SLC22A5: variants seen among roughly 807,000 people sequenced by gnomAD.
SLC22A5 encodes organic cation/carnitine transporter 2.
SLC22A5 carries 44 observed loss-of-function variants against 56.7 expected under a neutral mutation model. The observed-to-expected ratio is 0.78, with a 90% confidence interval of 0.61 to 1.00. The LOEUF is 1.00. Ranked by LOEUF, SLC22A5 falls within the 50% of genes least tolerant of loss-of-function variation. SLC22A5 has a pLI of 0.00. For synonymous variants in SLC22A5, 278 were observed against 292.1 expected (o/e 0.95, Z 0.49); for missense variants, 675 against 723.0 (o/e 0.93, Z 0.76).
At chr5:132,390,652 A>G in intron 6 of SLC22A5, 38 bp from the exon 7 acceptor site, 1 of 1,417,984 alleles carries the variant, frequency 7.1e-7, no homozygotes, top group South Asian at 1.1e-5. Flanking sequence ...AAAGATGTGG[A>G]TACTGCTTTT....
At chr5:132,382,471 T>A (rs1312044465) in intron 2 of SLC22A5, 1 of 148,932 alleles carries the variant, frequency 6.7e-6, no homozygotes, top group African/African-American at 2.5e-5. Flanking sequence ...TACCAGAAAT[T>A]GGGGGAAAAA....
intron 3 of SLC22A5, 95 bp from the exon 4 acceptor site, chr5:132,385,233 T>C: frequency 8.7e-7 from 1 of 1,143,870 alleles, no homozygotes; most frequent in South Asian, 1.2e-5. Context: ...GTTCTCGCTG[T>C]TTTCTTGTCT....
chr5:132,393,356 C>T (rs186158571), intron 8 of SLC22A5, among the ~76,000 whole-genome samples: 4 of 152,242 alleles, frequency 2.6e-5, no homozygotes, highest in African/African-American at 7.2e-5. Context: ...CCTTGGAAAC[C>T]CAACCTTGGT....
intron 1 of SLC22A5, among the ~76,000 whole-genome samples, chr5:132,373,992 G>A (rs1479677455): frequency 1.3e-5 from 2 of 152,202 alleles, no homozygotes; most frequent in Non-Finnish European, 2.9e-5. Context: ...GCTGAGGCAG[G>A]TGGATCACAA....
chr5:132,384,440 CCTTA>C, intron 3 of SLC22A5, 139 bp downstream of exon 3: 1 of 932,242 alleles, frequency 1.1e-6, no homozygotes, highest in Non-Finnish European at 1.7e-6. Context: ...TCCTGGTGAA[CCTTA>C]CTTACAGGCA....
At chr5:132,383,807 G>C in intron 2 of SLC22A5, 1 of 313,688 alleles carries the variant, frequency 3.2e-6, no homozygotes, top group Non-Finnish European at 6.1e-6. Context: ...TTGTTTCTCT[G>C]TTATTCTCCA....
chr5:132,374,758 C>CAAA (rs34965096), intron 1 of SLC22A5, among the ~76,000 whole-genome samples: 2 of 138,232 alleles, frequency 1.4e-5, no homozygotes. Flanking sequence ...GTCAGGGAGC[C>CAAA]AAAAAAAAAA....
At chr5:132,390,038 G>A (rs923810526) in intron 6 of SLC22A5, 5 of 165,160 alleles carry the variant, frequency 3.0e-5, no homozygotes, top group Admixed American at 1.7e-4. Context: ...AAAGAGTGTG[G>A]GTCATCAACA....
rs1365867633 is a variant in SLC22A5, at chr5:132,390,641, G to A, written c.1053-49G>A. The A allele has an allele frequency of 3.8e-6, 5 of 1,320,554 alleles. No individual in the cohort carries two copies. In the Admixed American group the frequency reaches 6.7e-5, roughly 18 times the overall value. 81.8% of individuals were successfully genotyped at this position (1,320,554 alleles called of 1,614,324 possible). ...GCATTGTAAAAGTTGTACAGGTTGG[G>A]AAAGATGTGGATACTGCTTTTCCAG... On this transcript the variant is annotated intron_variant, in intron 6 of 9. Coordinates refer to ENST00000245407, the MANE Select transcript of SLC22A5 (RefSeq NM_003060.4).
intron 1 of SLC22A5, chr5:132,377,576 C>T (rs943694899): frequency 7.2e-5 from 11 of 152,796 alleles, no homozygotes; most frequent in African/African-American, 1.4e-4. Context: ...TGTCTTCAGA[C>T]CTCTTTTTCT....
chr5:132,386,514 AACC>A (rs1365845153), intron 4 of SLC22A5, among the ~76,000 whole-genome samples: 1 of 152,180 alleles, frequency 6.6e-6, no homozygotes, highest in Non-Finnish European at 1.5e-5. Context: ...TATAGGAGTG[AACC>A]ACTGCACCTG....
chr5:132,375,518 A>T (rs1228690975), intron 1 of SLC22A5, among the ~76,000 whole-genome samples: 1 of 152,220 alleles, frequency 6.6e-6, no homozygotes, highest in Non-Finnish European at 1.5e-5. Context: ...AGGTAAGAAC[A>T]TTTAGTCCCA....
At chr5:132,384,992 G>C (rs1241779602) in intron 3 of SLC22A5, among the ~76,000 whole-genome samples, 2 of 152,216 alleles carry the variant, frequency 1.3e-5, no homozygotes, top group Non-Finnish European at 2.9e-5. Context: ...GCTTAAGTCA[G>C]CATGTGCTGA....
At chr5:132,384,351 A>G (rs1457857172) in intron 3 of SLC22A5, 50 bp downstream of exon 3, 2 of 1,565,826 alleles carry the variant, frequency 1.3e-6, no homozygotes, top group African/African-American at 1.4e-5. Context: ...TTTCACCATC[A>G]TCCCATCACC....
intron 3 of SLC22A5, 34 bp from the exon 4 acceptor site, chr5:132,385,294 A>T: frequency 1.2e-6 from 2 of 1,601,524 alleles, no homozygotes; most frequent in Non-Finnish European, 1.7e-6. Context: ...AACCCAAATT[A>T]AACTGCTAAC....
chr5:132,378,510 G>C, intron 2 of SLC22A5, 29 bp downstream of exon 2: 1 of 1,535,818 alleles, frequency 6.5e-7, no homozygotes, highest in East Asian at 2.2e-5. Context: ...GGAGCACCAG[G>C]GGACCTCAGC....
chr5:132,370,515 C>G, intron 1 of SLC22A5, 150 bp downstream of exon 1: 4 of 958,124 alleles, frequency 4.2e-6, no homozygotes, highest in Non-Finnish European at 6.2e-6. Context: ...GACCCTCCAG[C>G]CAGGTGGCTT....
At chr5:132,385,248 A>T in intron 3 of SLC22A5, 80 bp from the exon 4 acceptor site, 1 of 1,236,248 alleles carries the variant, frequency 8.1e-7, no homozygotes, top group Non-Finnish European at 1.2e-6. Context: ...TTGTCTGTGT[A>T]TTCACAAAGA....
chr5:132,370,908 GC>G (rs1283485769), intron 1 of SLC22A5, among the ~76,000 whole-genome samples: 2 of 150,964 alleles, frequency 1.3e-5, no homozygotes, highest in African/African-American at 2.4e-5. Context: ...ATCTGGTCAT[GC>G]CCTGTAAGTA....
Sources: allele counts gnomAD v4.1 joint callset (sites outside exome capture counted in the v4.1 genomes callset), GRCh38; gene constraint gnomAD v4.1.1; transcripts MANE v1.5; gene names NCBI Gene and HGNC (gene_info 2026-07-23, HGNC 2026-07-21).